DESI1: variants seen among roughly 807,000 people sequenced by gnomAD.
DESI1 encodes desumoylating isopeptidase 1, also known as PPPDE peptidase domain containing 2.
A neutral mutation model predicts 22.4 loss-of-function variants in DESI1; 17 were observed. The ratio of observed to expected loss-of-function variants is 0.76; its 90% CI spans 0.52 to 1.14. The LOEUF is 1.14. Among genes scored for constraint, DESI1 ranks in the 50% most tolerant of loss-of-function variants. The pLI is 0.00. For synonymous variants in DESI1, 92 were observed against 84.2 expected, an observed-to-expected ratio of 1.09 and a Z score of -0.51; for missense variants, 177 against 208.9, an observed-to-expected ratio of 0.85 and a Z score of 0.94.
At chr22:41,615,742 T>G (rs1176170731) in intron 1 of DESI1, among the ~76,000 whole-genome samples, 5 of 152,238 alleles carry the variant, frequency 3.3e-5, no homozygotes, top group Non-Finnish European at 7.3e-5. Context: ...ACAGAGTCCT[T>G]GCCCTCCAGG....
At chr22:41,603,910 T>C (rs541471968) in intron 4 of DESI1, 134 bp downstream of exon 4, 1 of 710,864 alleles carries the variant, frequency 1.4e-6, no homozygotes, top group Non-Finnish European at 2.3e-6. Flanking sequence ...CTTTTCTTCA[T>C]GTTAATTCAG....
At chr22:41,611,941 C>T (rs76581697) in intron 1 of DESI1, among the ~76,000 whole-genome samples, 14,115 of 152,060 alleles carry the variant, frequency 0.093, 809 homozygotes, top group Middle Eastern at 0.18. Flanking sequence ...AGGAATGCTA[C>T]GCTTACAAGG....
At chr22:41,614,431 C>T (rs1163029636) in intron 1 of DESI1, among the ~76,000 whole-genome samples, 1 of 151,678 alleles carries the variant, frequency 6.6e-6, no homozygotes, top group Non-Finnish European at 1.5e-5. Context: ...TTTCTTTTTT[C>T]CTTTTGAGAC....
chr22:41,605,977 T>C (rs1292783668), intron 3 of DESI1, among the ~76,000 whole-genome samples: 1 of 152,032 alleles, frequency 6.6e-6, no homozygotes, highest in East Asian at 1.9e-4. Flanking sequence ...GTCTACGGTG[T>C]GTTCAAAGAA....
At chr22:41,606,297 A>T (rs1330550267) in intron 3 of DESI1, among the ~76,000 whole-genome samples, 1 of 151,830 alleles carries the variant, frequency 6.6e-6, no homozygotes, top group Non-Finnish European at 1.5e-5. Flanking sequence ...TGGAGGCTGC[A>T]GTAAGCAAGA....
chr22:41,604,249 A>AAT, intron 3 of DESI1, 96 bp from the exon 4 acceptor site: 10 of 496,592 alleles, frequency 2.0e-5, no homozygotes, highest in Non-Finnish European at 2.8e-5. Flanking sequence ...CTCTGTTCTG[A>AAT]CTTTTTTTTT....
At position 41,601,062 on chromosome 22, in the gene DESI1, G is replaced by A; in HGVS notation, c.*35C>T. On this transcript the variant is annotated 3_prime_UTR_variant, in exon 6 of 6. Transcript: ENST00000263256. Reference sequence around the variant, plus strand: ...GGTTTGTTTTGTTTAAAAAGGAAAAGCCCTGGTGAGGCAGGGCGGTCCCAG... The same window carrying A: ...GGTTTGTTTTGTTTAAAAAGGAAAAACCCTGGTGAGGCAGGGCGGTCCCAG... 3 of 1,571,404 alleles carry A rather than the reference G, an allele frequency of 1.9e-6. No individual in the cohort carries two copies. The highest frequency in any genetic ancestry group is 2.6e-6 in the Non-Finnish European group (3 of 1,145,068).
In DESI1 at chr22:41,601,141, G is replaced by C. The variant is rs528639726; in HGVS notation, c.463C>G (p.Pro155Ala). 19 of 1,613,456 alleles carry C rather than the reference G, an allele frequency of 1.2e-5. No homozygotes were observed. The African/African-American group carries it at 2.1e-4, about 18-fold the overall frequency. Residue 155 changes from proline (P) to alanine (A), a missense_variant, in exon 6 of 6, where the codon CCT (proline) becomes GCT (alanine). Physicochemically the swap from Pro to Ala is conservative, Grantham distance 27. Transcript: ENST00000263256. ...RPLLDSIQIQ[P>A]PGGSSVGRPN... ...CTGCCCACGGAGCTCCCTCCTGGAG[G>C]CTGGATCTGAATGGAGTCCAGGAGG...
intron 3 of DESI1, among the ~76,000 whole-genome samples, chr22:41,604,500 G>A (rs2067467910): frequency 6.6e-6 from 1 of 151,944 alleles, no homozygotes; most frequent in Non-Finnish European, 1.5e-5. Context: ...ACCCACCTCG[G>A]CCTTCCAAAG....
rs540808424 is a variant in DESI1, at chr22:41,602,315, C to T, written c.413+944G>A. Reference sequence around the variant, plus strand: ...AACAGCAAGCACATTCTGGCTACTCCAGTTTGCTCAGGGCCCCATAACCTA... The same window carrying T: ...AACAGCAAGCACATTCTGGCTACTCTAGTTTGCTCAGGGCCCCATAACCTA... On this transcript the variant is annotated intron_variant, in intron 5 of 5. Transcript: ENST00000263256. The T allele has an allele frequency of 7.9e-5, 78 of 985,398 alleles. No homozygotes were observed. The Middle Eastern group carries it at 1.6e-3, about 20-fold the overall frequency. The allele number at this position is 985,398 out of a possible 1,614,324, so 61.0% of individuals were successfully genotyped here.
intron 1 of DESI1, among the ~76,000 whole-genome samples, chr22:41,619,231 A>G (rs1384922503): frequency 6.6e-6 from 1 of 152,258 alleles, no homozygotes; most frequent in African/African-American, 2.4e-5. Context: ...CTACATAAGA[A>G]TTAGCTGATA....
intron 1 of DESI1, among the ~76,000 whole-genome samples, chr22:41,615,272 T>TA (rs58574960): frequency 0.011 from 1,201 of 108,482 alleles, 19 homozygotes; most frequent in African/African-American, 0.038. Flanking sequence ...TACTAAAAAT[T>TA]AAAAAAAAAA....
intron 1 of DESI1, 143 bp from the exon 2 acceptor site, chr22:41,608,004 G>T: frequency 1.2e-6 from 1 of 806,796 alleles, no homozygotes; most frequent in Non-Finnish European, 2.1e-6. Flanking sequence ...GTCCCCTCCA[G>T]TAAGGTCTTT....
intron 3 of DESI1, among the ~76,000 whole-genome samples, chr22:41,606,773 C>CAAAAAAA (rs67262006): frequency 8.0e-5 from 5 of 62,736 alleles, no homozygotes; most frequent in Admixed American, 5.9e-4. Context: ...GACTCCATCT[C>CAAAAAAA]AAAAAAAAAA....
intron 1 of DESI1, among the ~76,000 whole-genome samples, chr22:41,615,770 A>G (rs978108548): frequency 4.6e-5 from 7 of 152,242 alleles, no homozygotes; most frequent in African/African-American, 1.7e-4. Context: ...GGCTCTTGCC[A>G]AAGCCTCTCT....
chr22:41,603,426 G>A (rs1361126458), intron 4 of DESI1, 45 bp from the exon 5 acceptor site: 1 of 1,612,980 alleles, frequency 6.2e-7, no homozygotes, highest in Non-Finnish European at 8.5e-7. Flanking sequence ...AAACCAGCAA[G>A]CGTCTATGTG....
At chr22:41,616,694 G>C (rs2067553407) in intron 1 of DESI1, among the ~76,000 whole-genome samples, 1 of 152,084 alleles carries the variant, frequency 6.6e-6, no homozygotes, top group African/African-American at 2.4e-5. Flanking sequence ...TATGAAAAAA[G>C]GTGCAATGAG....
intron 1 of DESI1, among the ~76,000 whole-genome samples, chr22:41,614,059 C>T (rs11913037): frequency 0.029 from 4,438 of 151,260 alleles, 209 homozygotes; most frequent in African/African-American, 0.098. Context: ...TTTTTTAAGA[C>T]GGAGTCTCGC....
At chr22:41,606,799 A>T (rs1231930376) in intron 3 of DESI1, among the ~76,000 whole-genome samples, 1 of 150,184 alleles carries the variant, frequency 6.7e-6, no homozygotes, top group Non-Finnish European at 1.5e-5. Context: ...AAAAAAAAAA[A>T]AAGAAATTTT....
Sources: allele counts gnomAD v4.1 joint callset (sites outside exome capture counted in the v4.1 genomes callset), GRCh38; gene constraint gnomAD v4.1.1; transcripts MANE v1.5; gene names NCBI Gene and HGNC (gene_info 2026-07-23, HGNC 2026-07-21).